PACRG: variants seen among roughly 807,000 people sequenced by gnomAD.
The protein encoded by PACRG is parkin coregulated gene protein.
In PACRG, 29 loss-of-function variants were observed where a neutral mutation model predicts 29.7. The observed-to-expected ratio is 0.98, with a 90% CI of 0.73 to 1.33. The LOEUF (loss-of-function observed/expected upper bound fraction) is 1.33. Ranked by LOEUF, PACRG falls within the 40% of genes most tolerant of loss-of-function variation. PACRG has a pLI of 0.00. For missense variants in PACRG, 279 were observed against 316.2 expected (o/e 0.88, Z 0.89); for synonymous variants, 116 against 118.7 (o/e 0.98, Z 0.15).
chr6:163,167,121 C>G (rs1475510456), intron 4 of PACRG, among the ~76,000 whole-genome samples: 1 of 152,160 alleles, frequency 6.6e-6, no homozygotes, highest in Non-Finnish European at 1.5e-5. Context: ...AATGTCTGCA[C>G]AATCAAAAAA....
intron 1 of PACRG, among the ~76,000 whole-genome samples, chr6:162,765,961 G>T (rs1307484833): frequency 6.6e-6 from 1 of 151,896 alleles, no homozygotes; most frequent in Non-Finnish European, 1.5e-5. Flanking sequence ...TAATATTTGT[G>T]TATACTTACA....
chr6:162,944,590 G>A (rs770158568), intron 2 of PACRG, among the ~76,000 whole-genome samples: 3 of 151,996 alleles, frequency 2.0e-5, no homozygotes, highest in Non-Finnish European at 2.9e-5. Context: ...AAGCAATTCA[G>A]GATATGAATA....
intron 1 of PACRG, among the ~76,000 whole-genome samples, chr6:162,749,192 G>A (rs1781326569): frequency 6.6e-6 from 1 of 152,200 alleles, no homozygotes; most frequent in Non-Finnish European, 1.5e-5. Flanking sequence ...GTGGTGTCCA[G>A]TGCATGATTG....
intron 2 of PACRG, among the ~76,000 whole-genome samples, chr6:162,949,526 A>G (rs939371054): frequency 1.3e-5 from 2 of 152,230 alleles, no homozygotes; most frequent in Non-Finnish European, 2.9e-5. Flanking sequence ...CTCAACTCAT[A>G]GAAATGATGT....
At position 162,797,386 on chromosome 6, in the gene PACRG, A is replaced by G. The variant is rs569370027; in HGVS notation, c.157-16761A>G. Among the ~76,000 whole-genome samples, 4 of 152,328 alleles carry G rather than the reference A, an allele frequency of 2.6e-5. No individual in the cohort carries two copies. The South Asian group carries it at 8.3e-4, about 32-fold the overall frequency. On this transcript the variant is annotated intron_variant, in intron 1 of 4. Coordinates refer to ENST00000366888, the MANE Select transcript of PACRG (RefSeq NM_001080379.2). ...ATACCTTGGCAAACCTTTTCTTATG[A>G]ATCTTGCAGGTGCTTATCTATTGTC...
chr6:163,080,050 C>A (rs1251823436), intron 3 of PACRG, among the ~76,000 whole-genome samples: 4 of 151,724 alleles, frequency 2.6e-5, no homozygotes, highest in African/African-American at 9.7e-5. Context: ...AGGTGCCCGC[C>A]ACCACGCCTG....
At chr6:162,947,503 A>C (rs1799210863) in intron 2 of PACRG, among the ~76,000 whole-genome samples, 1 of 123,424 alleles carries the variant, frequency 8.1e-6, no homozygotes, top group Admixed American at 9.2e-5. Context: ...ACTCATATAT[A>C]TATAATCTAT....
intron 2 of PACRG, among the ~76,000 whole-genome samples, chr6:162,899,514 G>C (rs963519502): frequency 1.3e-5 from 2 of 152,176 alleles, no homozygotes; most frequent in African/African-American, 4.8e-5. Context: ...CCCCCACTGA[G>C]GACTGTGTGC....
intron 4 of PACRG, among the ~76,000 whole-genome samples, chr6:163,120,810 A>G (rs1316194869): frequency 2.0e-5 from 3 of 152,180 alleles, no homozygotes; most frequent in Non-Finnish European, 4.4e-5. Flanking sequence ...AGGAGCTCAA[A>G]TGATCCTTGT....
intron 2 of PACRG, among the ~76,000 whole-genome samples, chr6:162,966,479 T>C (rs1801030896): frequency 1.2e-4 from 1 of 8,470 alleles, no homozygotes. Flanking sequence ...TGACATGTAT[T>C]TTTTTTTTTT....
intron 2 of PACRG, among the ~76,000 whole-genome samples, chr6:162,824,463 T>G (rs1788107783): frequency 6.6e-6 from 1 of 152,190 alleles, no homozygotes; most frequent in Non-Finnish European, 1.5e-5. Context: ...TCTGTAGAAA[T>G]TCCTTTTATT....
At chr6:162,743,184 A>G (rs1334248289) in intron 1 of PACRG, among the ~76,000 whole-genome samples, 1 of 152,150 alleles carries the variant, frequency 6.6e-6, no homozygotes, top group Non-Finnish European at 1.5e-5. Context: ...ACAAATGTCT[A>G]TTCAGTCCCT....
At chr6:162,852,005 G>GAGGAAGGAAGGAAGGAAGGAAAGGA (rs1562663951) in intron 2 of PACRG, among the ~76,000 whole-genome samples, 32 of 116,104 alleles carry the variant, frequency 2.8e-4, no homozygotes, top group East Asian at 1.5e-3. Flanking sequence ...GGGAGGGAGG[G>GAGGAAGGAAGGAAGGAAGGAAAGGA]AGGAAGGAAG....
At chr6:163,250,498 C>G (rs1250750643) in intron 4 of PACRG, among the ~76,000 whole-genome samples, 1 of 152,210 alleles carries the variant, frequency 6.6e-6, no homozygotes, top group Non-Finnish European at 1.5e-5. Flanking sequence ...ATTCTTTTAT[C>G]AGTTCTAGGA....
intron 2 of PACRG, among the ~76,000 whole-genome samples, chr6:162,963,954 C>T (rs1291424918): frequency 1.3e-5 from 2 of 152,236 alleles, no homozygotes; most frequent in East Asian, 3.9e-4. Context: ...AAGACTCTTG[C>T]CTAATACATC....
At chr6:163,295,648 C>G (rs1238559932) in intron 4 of PACRG, among the ~76,000 whole-genome samples, 1 of 152,122 alleles carries the variant, frequency 6.6e-6, no homozygotes, top group African/African-American at 2.4e-5. Context: ...TTAGAACTAT[C>G]ATGTAAGAAG....
chr6:163,191,713 C>CA lies in PACRG; in HGVS notation c.613+102309dup, dbSNP rs1229511320. The CA allele has an allele frequency of 8.8e-6, 4 of 456,242 alleles. No individual in the cohort carries two copies. In the East Asian group the frequency reaches 2.8e-4, roughly 32 times the overall value. The allele number at this position is 456,242 out of a possible 1,614,324, so 28.3% of individuals were successfully genotyped here. ...CTATGCTCTTCCTCCACCCATCCAC[C>CA]AAAATGCCATCTTCTCCACTCCCAC... On this transcript the variant is annotated intron_variant, in intron 4 of 4. Coordinates refer to ENST00000366888, the MANE Select transcript of PACRG (RefSeq NM_001080379.2).
intron 4 of PACRG, among the ~76,000 whole-genome samples, chr6:163,178,146 G>C (rs1369448636): frequency 6.6e-6 from 1 of 152,150 alleles, no homozygotes; most frequent in Non-Finnish European, 1.5e-5. Flanking sequence ...GAGAAGGAGG[G>C]CTCCCTGCCT....
intron 2 of PACRG, among the ~76,000 whole-genome samples, chr6:162,965,905 G>T (rs2128151044): frequency 6.6e-6 from 1 of 152,338 alleles, no homozygotes; most frequent in Middle Eastern, 3.4e-3. Context: ...GGACTAGAGG[G>T]CTTGAGATTG....
Sources: allele counts gnomAD v4.1 joint callset (sites outside exome capture counted in the v4.1 genomes callset), GRCh38; gene constraint gnomAD v4.1.1; transcripts MANE v1.5; gene names NCBI Gene and HGNC (gene_info 2026-07-23, HGNC 2026-07-21).